The following FER variants were observed in gnomAD, a reference collection of about 807,000 sequenced individuals.
FER encodes the protein tyrosine-protein kinase Fer.
Under a neutral mutation model 111.0 loss-of-function variants are expected in FER, and 63 were observed. The ratio of observed to expected loss-of-function variants is 0.57; its 90% CI spans 0.46 to 0.70. The LOEUF is 0.70. Ranked by LOEUF, FER falls within the 30% of genes least tolerant of loss-of-function variation. FER has a pLI of 0.00. For synonymous variants in FER, 327 were observed against 313.9 expected (o/e 1.04, Z -0.44); for missense variants, 914 against 954.0 (o/e 0.96, Z 0.55).
chr5:109,083,772 G>GTA (rs1561873430), intron 16 of FER, among the ~76,000 whole-genome samples: 1 of 151,968 alleles, frequency 6.6e-6, no homozygotes, highest in Non-Finnish European at 1.5e-5. Flanking sequence ...ATGACAGAGA[G>GTA]TAGGCTTGCT....
At chr5:109,020,537 C>T (rs886297256) in intron 13 of FER, among the ~76,000 whole-genome samples, 1 of 151,946 alleles carries the variant, frequency 6.6e-6, no homozygotes, top group African/African-American at 2.4e-5. Context: ...ATTTAGATCT[C>T]AGTTTCCTTC....
intron 17 of FER, among the ~76,000 whole-genome samples, chr5:109,114,923 A>T (rs1383515348): frequency 6.6e-6 from 1 of 151,912 alleles, no homozygotes; most frequent in Non-Finnish European, 1.5e-5. Context: ...TGTTTTACCA[A>T]CTACTTTTGT....
chr5:108,924,457 G>T, intron 10 of FER: 1 of 419,662 alleles, frequency 2.4e-6, no homozygotes, highest in Non-Finnish European at 3.8e-6. Context: ...TTTGTTGCTC[G>T]AAAACGCAAC....
intron 1 of FER, among the ~76,000 whole-genome samples, chr5:108,758,576 A>G (rs985118240): frequency 2.0e-5 from 3 of 152,188 alleles, no homozygotes; most frequent in African/African-American, 7.2e-5. Flanking sequence ...AGCCAAACAT[A>G]AAGACTTCTG....
Position 109,180,918 on chromosome 5 carries a change from T to A in FER, c.2203+17T>A. On this transcript the variant is annotated intron_variant, in intron 18 of 19. Transcript: ENST00000281092. ...TTAATTATGGTAAGAATAGACCACATTTTTTTTTTAATGGTAAAAATGAAC... is the reference window on the plus strand; with the variant it reads ...TTAATTATGGTAAGAATAGACCACAATTTTTTTTTAATGGTAAAAATGAAC... 1 of 1,134,178 alleles carries A rather than the reference T, an allele frequency of 8.8e-7. No homozygotes were observed. The highest frequency in any genetic ancestry group is 1.2e-6 in the Non-Finnish European group (1 of 848,144). The allele number at this position is 1,134,178 out of a possible 1,614,324, so 70.3% of individuals were successfully genotyped here.
At chr5:108,911,548 G>A (rs1453202177) in intron 10 of FER, among the ~76,000 whole-genome samples, 1 of 152,114 alleles carries the variant, frequency 6.6e-6, no homozygotes, top group Non-Finnish European at 1.5e-5. Flanking sequence ...GTAGGCCAAT[G>A]TCTGGAAGAG....
At chr5:109,011,193 A>G (rs138356331) in intron 13 of FER, among the ~76,000 whole-genome samples, 2 of 152,252 alleles carry the variant, frequency 1.3e-5, no homozygotes, top group Non-Finnish European at 2.9e-5. Context: ...GATGCATAGT[A>G]TTAGAAATTC....
At chr5:109,067,056 G>C (rs1286192468) in intron 16 of FER, among the ~76,000 whole-genome samples, 3 of 152,174 alleles carry the variant, frequency 2.0e-5, no homozygotes, top group Non-Finnish European at 4.4e-5. Flanking sequence ...AAAAACCTGT[G>C]GTGGGAGAAG....
intron 10 of FER, among the ~76,000 whole-genome samples, chr5:108,934,851 C>T (rs960556367): frequency 2.6e-5 from 4 of 151,768 alleles, no homozygotes; most frequent in East Asian, 3.9e-4. Context: ...GGCAAGGTGT[C>T]GCTTTAGTTA....
At chr5:108,834,803 A>G (rs1352774471) in intron 4 of FER, among the ~76,000 whole-genome samples, 2 of 151,416 alleles carry the variant, frequency 1.3e-5, no homozygotes, top group Non-Finnish European at 1.5e-5. Context: ...GAACTCATTT[A>G]TATTTATATT....
intron 13 of FER, among the ~76,000 whole-genome samples, chr5:108,974,544 C>T (rs988884176): frequency 6.6e-6 from 1 of 152,148 alleles, no homozygotes; most frequent in Non-Finnish European, 1.5e-5. Flanking sequence ...AATGGCTCCC[C>T]AAATATGTCT....
At chr5:109,055,930 C>T (rs982823886) in intron 16 of FER, among the ~76,000 whole-genome samples, 1 of 149,418 alleles carries the variant, frequency 6.7e-6, no homozygotes, top group Non-Finnish European at 1.5e-5. Flanking sequence ...CCTAAATAGA[C>T]GTTTCTCCAA....
intron 14 of FER, among the ~76,000 whole-genome samples, chr5:109,043,750 A>T (rs1581772004): frequency 6.6e-6 from 1 of 152,200 alleles, no homozygotes; most frequent in African/African-American, 2.4e-5. Flanking sequence ...AGGCAGGCGG[A>T]TCACGAGGTC....
chr5:109,037,527 G>T, intron 14 of FER, 49 bp downstream of exon 14: 1 of 1,479,482 alleles, frequency 6.8e-7, no homozygotes, highest in Non-Finnish European at 9.4e-7. Flanking sequence ...TATTGATTGT[G>T]AAGACTGCAG....
In FER at chr5:108,798,164, A is replaced by G; in HGVS notation, c.-19A>G. ...AAGGCTCACTTGTGCAGTGTGGAGG[A>G]TAACCAGTGCCTTACAAAATGGGGT... On this transcript the variant is annotated 5_prime_UTR_variant, in exon 3 of 20. Transcript: ENST00000281092. 2 of 1,606,776 alleles carry G rather than the reference A, an allele frequency of 1.2e-6. No homozygotes were observed. Among genetic ancestry groups the G allele is most frequent in the Non-Finnish European group, 1.7e-6 (2 of 1,173,604 alleles).
At chr5:109,041,235 A>T (rs556840993) in intron 14 of FER, among the ~76,000 whole-genome samples, 2 of 152,142 alleles carry the variant, frequency 1.3e-5, no homozygotes, top group African/African-American at 4.8e-5. Context: ...AGAGTTTTGG[A>T]TTTAATCAGA....
At chr5:108,874,356 A>G (rs1253923649) in intron 8 of FER, among the ~76,000 whole-genome samples, 2 of 152,204 alleles carry the variant, frequency 1.3e-5, no homozygotes, top group African/African-American at 2.4e-5. Flanking sequence ...CAAAAATGCA[A>G]TAAATTGAAG....
chr5:109,094,426 A>C (rs1747226053), intron 16 of FER, among the ~76,000 whole-genome samples: 1 of 152,168 alleles, frequency 6.6e-6, no homozygotes, highest in Non-Finnish European at 1.5e-5. Context: ...GCCCACTGGA[A>C]CATTTCAGAT....
chr5:108,755,998 A>AC (rs889095760), intron 1 of FER, among the ~76,000 whole-genome samples: 1 of 150,604 alleles, frequency 6.6e-6, no homozygotes, highest in Non-Finnish European at 1.5e-5. Context: ...CTAAAAAAAT[A>AC]CAAAAATTAG....
Sources: allele counts gnomAD v4.1 joint callset (sites outside exome capture counted in the v4.1 genomes callset), GRCh38; gene constraint gnomAD v4.1.1; transcripts MANE v1.5; gene names NCBI Gene and HGNC (gene_info 2026-07-23, HGNC 2026-07-21).